The following STX2 variants were observed in gnomAD, a reference collection of about 807,000 sequenced individuals.
STX2 encodes the protein syntaxin 2.
In STX2, 27 loss-of-function variants were observed where a neutral mutation model predicts 40.6. The ratio of observed to expected loss-of-function variants is 0.66; its 90% CI spans 0.49 to 0.92. The LOEUF (loss-of-function observed/expected upper bound fraction) is 0.92, where lower values mean the gene tolerates loss of function less well. Among genes scored for constraint, STX2 ranks in the 40% least tolerant of loss-of-function variants. The pLI, the probability that STX2 is intolerant of heterozygous loss-of-function variation, is 0.00. For missense variants in STX2, 328 were observed against 366.1 expected (o/e 0.90, Z 0.85); for synonymous variants, 123 against 119.1 (o/e 1.03, Z -0.22).
intron 2 of STX2, among the ~76,000 whole-genome samples, chr12:130,823,539 G>A (rs1952193357): frequency 6.6e-6 from 1 of 152,162 alleles, no homozygotes; most frequent in Non-Finnish European, 1.5e-5. Context: ...GTTGGAAGAA[G>A]GACACTTGAT....
At chr12:130,795,794 C>T (rs183225240) in intron 10 of STX2, among the ~76,000 whole-genome samples, 1 of 152,286 alleles carries the variant, frequency 6.6e-6, no homozygotes, top group Admixed American at 6.5e-5. Context: ...AAATGAGTTA[C>T]CGCCCAGCCT....
At chr12:130,818,626 A>G (rs576180313) in intron 3 of STX2, among the ~76,000 whole-genome samples, 11 of 151,162 alleles carry the variant, frequency 7.3e-5, no homozygotes, top group African/African-American at 2.7e-4. Context: ...GCGGAAAAGC[A>G]CAGAATGCAC....
chr12:130,835,044 T>G (rs1952710365), intron 1 of STX2, among the ~76,000 whole-genome samples: 1 of 152,242 alleles, frequency 6.6e-6, no homozygotes, highest in African/African-American at 2.4e-5. Context: ...ATCCCAGCAC[T>G]TTGGGAGCCT....
intron 2 of STX2, among the ~76,000 whole-genome samples, chr12:130,826,154 G>A (rs558428980): frequency 6.6e-5 from 10 of 152,268 alleles, no homozygotes; most frequent in East Asian, 1.9e-4. Context: ...ATCTGTCACC[G>A]ATTTCAGACC....
chr12:130,834,732 G>C (rs1409406709), intron 1 of STX2, among the ~76,000 whole-genome samples: 1 of 152,164 alleles, frequency 6.6e-6, no homozygotes, highest in African/African-American at 2.4e-5. Flanking sequence ...GGAACTGTTT[G>C]TATGAGAACA....
intron 2 of STX2, 66 bp downstream of exon 2, chr12:130,827,127 A>T (rs1157318073): frequency 3.0e-5 from 16 of 533,984 alleles, no homozygotes; most frequent in Non-Finnish European, 4.5e-5. Flanking sequence ...GAAAGGAGGG[A>T]GGGGTGGGGG....
intron 2 of STX2, among the ~76,000 whole-genome samples, chr12:130,822,045 A>G (rs756613648): frequency 2.0e-5 from 3 of 152,242 alleles, no homozygotes; most frequent in African/African-American, 4.8e-5. Flanking sequence ...TTTCTAGTCA[A>G]GTCCCAAGCA....
chr12:130,818,185 A>AAAAAAAATATATAT, intron 3 of STX2, among the ~76,000 whole-genome samples: 94 of 70,478 alleles, frequency 1.3e-3, no homozygotes, highest in Non-Finnish European at 1.5e-3. Flanking sequence ...AAAAAAAAAA[A>AAAAAAAATATATAT]ATATATATAT....
chr12:130,816,494 G>A (rs1232678815), intron 3 of STX2, among the ~76,000 whole-genome samples: 5 of 152,170 alleles, frequency 3.3e-5, no homozygotes, highest in Non-Finnish European at 5.9e-5. Context: ...CAGGCCATAA[G>A]GTCACATTTG....
chr12:130,833,271 C>CAGACTAAGACCCCGCAAGCACAAA (rs1952640087), intron 1 of STX2, among the ~76,000 whole-genome samples: 1 of 144,416 alleles, frequency 6.9e-6, no homozygotes, highest in Non-Finnish European at 1.5e-5. Context: ...GACACACACA[C>CAGACTAAGACCCCGCAAGCACAAA]AGACTAAGAC....
At chr12:130,808,561 G>T in intron 5 of STX2, 70 bp downstream of exon 5, 2 of 1,297,842 alleles carry the variant, frequency 1.5e-6, no homozygotes, top group Non-Finnish European at 2.2e-6. Context: ...ATTATTCAGA[G>T]TCTGCAAGAA....
intron 3 of STX2, among the ~76,000 whole-genome samples, chr12:130,819,488 CACAAA>C (rs1952031564): frequency 6.6e-6 from 1 of 152,190 alleles, no homozygotes; most frequent in Non-Finnish European, 1.5e-5. Flanking sequence ...CACACTCTGT[CACAAA>C]ACAAAACACA....
At chr12:130,807,473 C>T (rs369086418) in intron 5 of STX2, among the ~76,000 whole-genome samples, 5 of 151,434 alleles carry the variant, frequency 3.3e-5, no homozygotes, top group African/African-American at 4.9e-5. Flanking sequence ...CCAGAGCCCG[C>T]GTGCTTCATC....
chr12:130,827,714 G>A (rs775637541), intron 1 of STX2, among the ~76,000 whole-genome samples: 7 of 152,204 alleles, frequency 4.6e-5, no homozygotes, highest in African/African-American at 7.2e-5. Flanking sequence ...AGGAATTCAA[G>A]ACCGGCCTGG....
chr12:130,814,723 G>C (rs937279952), intron 3 of STX2, among the ~76,000 whole-genome samples: 1 of 129,170 alleles, frequency 7.7e-6, no homozygotes, highest in African/African-American at 2.9e-5. Flanking sequence ...TGCAACTTCC[G>C]CCTCCTGGGT....
At chr12:130,818,877 G>A (rs1016726298) in intron 3 of STX2, among the ~76,000 whole-genome samples, 2 of 152,190 alleles carry the variant, frequency 1.3e-5, no homozygotes, top group Non-Finnish European at 2.9e-5. Context: ...CAGCCTCGTC[G>A]TCACTAAAAC....
At chr12:130,807,156 G>A (rs1951467872) in intron 5 of STX2, 66 bp from the exon 6 acceptor site, 1 of 1,503,730 alleles carries the variant, frequency 6.7e-7, no homozygotes, top group East Asian at 2.3e-5. Flanking sequence ...TGACATGCAA[G>A]ACATGCATTT....
chr12:130,820,300 C>A (rs1440386223), intron 3 of STX2, among the ~76,000 whole-genome samples: 1 of 152,164 alleles, frequency 6.6e-6, no homozygotes, highest in Non-Finnish European at 1.5e-5. Flanking sequence ...ACTGATTAGG[C>A]AAGGGGTACA....
chr12:130,811,115 T>C (rs1951631410), intron 4 of STX2, among the ~76,000 whole-genome samples: 4 of 152,124 alleles, frequency 2.6e-5, no homozygotes. Context: ...CCCAGCACTT[T>C]GGGAGGCTGA....
Sources: gnomAD v4.1 joint callset for allele counts (sites outside exome capture counted in the v4.1 genomes callset) on GRCh38, gnomAD v4.1.1 for gene constraint, MANE v1.5 for transcripts, NCBI Gene and HGNC (gene_info 2026-07-23, HGNC 2026-07-21) for gene names.